TMPRSS15: variants seen among roughly 807,000 people sequenced by gnomAD.
TMPRSS15 encodes enteropeptidase.
A neutral mutation model predicts 125.3 loss-of-function variants in TMPRSS15; 128 were observed. The observed-to-expected ratio is 1.02, with a 90% CI of 0.89 to 1.18. The LOEUF (loss-of-function observed/expected upper bound fraction) is 1.18. TMPRSS15 is among the 50% of genes most tolerant of loss of function. The pLI, the probability that TMPRSS15 is intolerant of heterozygous loss-of-function variation, is 0.00. For synonymous variants in TMPRSS15, 446 were observed against 423.2 expected (o/e 1.05, Z -0.66); for missense variants, 1,283 against 1,212.7 (o/e 1.06, Z -0.86).
chr21:18,396,852 T>TCTATC (rs1569055771), intron 3 of TMPRSS15, among the ~76,000 whole-genome samples: 1 of 113,224 alleles, frequency 8.8e-6, no homozygotes, highest in Non-Finnish European at 1.8e-5. Context: ...CTATCTATCT[T>TCTATC]AAGTCACAAA....
chr21:18,380,412 G>A (rs2075882376), intron 4 of TMPRSS15: 1 of 373,922 alleles, frequency 2.7e-6, no homozygotes, highest in Non-Finnish European at 5.6e-6. Context: ...ACCAATATAA[G>A]CTTCTTACAA....
At chr21:18,316,377 C>T (rs2075167180) in intron 16 of TMPRSS15, among the ~76,000 whole-genome samples, 1 of 152,312 alleles carries the variant, frequency 6.6e-6, no homozygotes, top group East Asian at 1.9e-4. Context: ...CCTCACCATC[C>T]AAATGATACT....
intron 1 of TMPRSS15, among the ~76,000 whole-genome samples, chr21:18,426,996 G>A (rs1288797711): frequency 6.6e-6 from 1 of 152,172 alleles, no homozygotes; most frequent in Non-Finnish European, 1.5e-5. Flanking sequence ...CTGGTTTAGA[G>A]TGATTAATCC....
Position 18,383,621 on chromosome 21 carries a change from A to T in TMPRSS15, c.496+6T>A. The T allele has an allele frequency of 6.2e-7, 1 of 1,613,382 alleles. No homozygotes were observed. Among genetic ancestry groups the T allele is most frequent in the Non-Finnish European group, 8.5e-7 (1 of 1,179,798 alleles). ...TTCAAAGAAATCAAATAATGTTCAC[A>T]CATACCTAGGATATCAACGCTGTTC... On this transcript the variant is annotated splice_donor_region_variant and intron_variant, in intron 4 of 24. Coordinates refer to ENST00000284885, the MANE Select transcript of TMPRSS15 (RefSeq NM_002772.3).
chr21:18,391,607 A>C (rs1287945834), intron 3 of TMPRSS15, among the ~76,000 whole-genome samples: 1 of 152,182 alleles, frequency 6.6e-6, no homozygotes, highest in Admixed American at 6.5e-5. Context: ...CTGCTTTCAC[A>C]GCTGGCATTG....
chr21:18,394,308 T>G (rs1309347365), intron 3 of TMPRSS15, among the ~76,000 whole-genome samples: 1 of 152,180 alleles, frequency 6.6e-6, no homozygotes, highest in Non-Finnish European at 1.5e-5. Context: ...AAGATTATTT[T>G]GGGAAGATAA....
intron 18 of TMPRSS15, among the ~76,000 whole-genome samples, chr21:18,310,931 T>TGC (rs2146932347): frequency 1.1e-5 from 1 of 88,624 alleles, no homozygotes; most frequent in African/African-American, 4.0e-5. Flanking sequence ...AGCCCACTGA[T>TGC]TCTTTTTTTT....
chr21:18,360,866 G>A (rs774945978), intron 7 of TMPRSS15, among the ~76,000 whole-genome samples: 4 of 151,724 alleles, frequency 2.6e-5, no homozygotes, highest in African/African-American at 4.8e-5. Flanking sequence ...CATCACTTTC[G>A]GTAGTATGAA....
intron 13 of TMPRSS15, among the ~76,000 whole-genome samples, chr21:18,340,930 T>TATC (rs1462001262): frequency 2.0e-5 from 3 of 152,236 alleles, no homozygotes; most frequent in Non-Finnish European, 2.9e-5. Context: ...GATTTATGTG[T>TATC]AACATGTAAT....
At chr21:18,386,451 T>G (rs1385283851) in intron 3 of TMPRSS15, among the ~76,000 whole-genome samples, 1 of 152,216 alleles carries the variant, frequency 6.6e-6, no homozygotes, top group Non-Finnish European at 1.5e-5. Context: ...TGTTGCATAG[T>G]TAGCAGAATT....
chr21:18,285,196 T>C (rs145036522), intron 21 of TMPRSS15, among the ~76,000 whole-genome samples: 1 of 152,252 alleles, frequency 6.6e-6, no homozygotes, highest in African/African-American at 2.4e-5. Flanking sequence ...TTTTTTCCCA[T>C]TTCCTGAGAT....
At chr21:18,287,929 T>C (rs2074785332) in intron 21 of TMPRSS15, among the ~76,000 whole-genome samples, 1 of 152,164 alleles carries the variant, frequency 6.6e-6, no homozygotes, top group African/African-American at 2.4e-5. Flanking sequence ...CTATGACTAT[T>C]TATCAGAGAA....
chr21:18,317,801 TCCCATCCC>T (rs746890708), intron 16 of TMPRSS15, among the ~76,000 whole-genome samples: 2,786 of 107,130 alleles, frequency 0.026, 136 homozygotes, highest in Non-Finnish European at 0.034. Context: ...TCCCATCCCA[TCCCATCCC>T]ATCCCATTCT....
intron 6 of TMPRSS15, among the ~76,000 whole-genome samples, chr21:18,366,632 C>A (rs1407237299): frequency 1.3e-5 from 2 of 152,028 alleles, no homozygotes; most frequent in African/African-American, 4.8e-5. Flanking sequence ...ATTTTCACAA[C>A]TTTTAGTCTT....
chr21:18,302,948 G>A (rs2074989275), intron 18 of TMPRSS15, among the ~76,000 whole-genome samples: 1 of 152,134 alleles, frequency 6.6e-6, no homozygotes, highest in Admixed American at 6.6e-5. Flanking sequence ...GAGGGCATAT[G>A]ACACACACCT....
At position 18,398,227 on chromosome 21, in the gene TMPRSS15, T is replaced by C. The variant is rs1355755690; in HGVS notation, c.248A>G (p.Lys83Arg). Reference protein sequence around the residue: ...NLQDKLSVDFKVLAFDLQQMI... With the variant: ...NLQDKLSVDFRVLAFDLQQMI... ...TTGCTGAAGGTCAAAAGCAAGAACT[T>C]TGAAATCCACTGAGAGTTTGTCTTG... is the stretch of plus-strand genomic sequence containing the variant. The change falls in exon 2 of 25, where the codon AAA (lysine) becomes AGA (arginine). Residue 83 changes from lysine to arginine, a missense_variant. Coordinates refer to ENST00000284885, the MANE Select transcript of TMPRSS15 (RefSeq NM_002772.3). 2.5e-6 allele frequency: 4 copies of C among 1,613,918 alleles called. No homozygotes were observed. The highest frequency in any genetic ancestry group is 8.5e-7 in the Non-Finnish European group (1 of 1,179,830).
At chr21:18,365,084 T>C in intron 7 of TMPRSS15, 56 bp downstream of exon 7, 12 of 1,405,212 alleles carry the variant, frequency 8.5e-6, no homozygotes, top group Non-Finnish European at 1.2e-5. Flanking sequence ...AATAAGACGT[T>C]GCATCAGAAA....
In TMPRSS15 at chr21:18,423,415, T is replaced by TC. The variant is rs2123195489; in HGVS notation, c.11-25087_11-25086insG. 1.3e-5 allele frequency among the ~76,000 whole-genome samples: 2 copies of TC among 150,782 alleles called. 1 individual carries two copies. The highest frequency in any genetic ancestry group is 3.9e-4 in the East Asian group (2 of 5,126). On this transcript the variant is annotated intron_variant, in intron 1 of 7. Coordinates refer to the TMPRSS15 transcript ENST00000422787. ...TCAGTCTGTAAAATAAATTCTTTTT[T>TC]TTTTTTTTTTTGAGACAGAGTCTCG...
chr21:18,281,027 T>A lies in TMPRSS15; in HGVS notation c.2668+13A>T, dbSNP rs1335146182. The A allele has an allele frequency of 4.5e-6, 6 of 1,323,492 alleles. No homozygotes were observed. The highest frequency in any genetic ancestry group is 6.0e-6 in the Non-Finnish European group (6 of 995,028). The allele number at this position is 1,323,492 out of a possible 1,614,324, so 82.0% of individuals were successfully genotyped here. On this transcript the variant is annotated intron_variant, in intron 22 of 24. Coordinates refer to ENST00000284885, the MANE Select transcript of TMPRSS15 (RefSeq NM_002772.3). ...GGCAGATAAGATGACTAAGAGTGAT[T>A]TTTTTTTTTTACCTGTGTAATTCAC...
Sources: allele counts gnomAD v4.1 joint callset (sites outside exome capture counted in the v4.1 genomes callset), GRCh38; gene constraint gnomAD v4.1.1; transcripts MANE v1.5; gene names NCBI Gene and HGNC (gene_info 2026-07-23, HGNC 2026-07-21).